NRXN1: variants seen among roughly 807,000 people sequenced by gnomAD.
NRXN1 encodes the protein neurexin-1.
A neutral mutation model predicts 150.9 loss-of-function variants in NRXN1; 39 were observed. The ratio of observed to expected loss-of-function variants is 0.26; its 90% CI spans 0.20 to 0.34. The LOEUF is 0.34. NRXN1 is among the 10% of genes least tolerant of loss of function. NRXN1 has a pLI of 1.00. For synonymous variants in NRXN1, 924 were observed against 757.0 expected, an observed-to-expected ratio of 1.22 and a Z score of -3.62; for missense variants, 1,815 against 1,949.9, an observed-to-expected ratio of 0.93 and a Z score of 1.30.
chr2:50,609,778 T>C (rs1442773799), intron 8 of NRXN1, among the ~76,000 whole-genome samples: 4 of 152,144 alleles, frequency 2.6e-5, no homozygotes, highest in Non-Finnish European at 4.4e-5. Flanking sequence ...GCAATTCACT[T>C]ACTATGACCT....
At chr2:50,345,008 C>G (rs960814083) in intron 17 of NRXN1, among the ~76,000 whole-genome samples, 1 of 152,180 alleles carries the variant, frequency 6.6e-6, no homozygotes, top group Non-Finnish European at 1.5e-5. Flanking sequence ...GAACTGCACC[C>G]AGGTAAAGGG....
At chr2:49,963,098 A>G (rs1001982833) in intron 21 of NRXN1, among the ~76,000 whole-genome samples, 14 of 152,234 alleles carry the variant, frequency 9.2e-5, no homozygotes, top group Non-Finnish European at 2.1e-4. Context: ...ATTTCTGCCC[A>G]GTTAGCTACC....
chr2:50,628,538 T>C (rs1416182306), intron 5 of NRXN1, among the ~76,000 whole-genome samples: 1 of 151,710 alleles, frequency 6.6e-6, no homozygotes, highest in African/African-American at 2.4e-5. Flanking sequence ...TATAAGAATA[T>C]TATGTTTCAT....
intron 17 of NRXN1, among the ~76,000 whole-genome samples, chr2:50,254,199 C>T (rs2067456116): frequency 6.6e-6 from 1 of 151,852 alleles, no homozygotes; most frequent in Admixed American, 6.6e-5. Flanking sequence ...AGTTTGTTTG[C>T]ATAGAGGTGT....
rs534813995 is a variant in NRXN1, at chr2:50,056,764, T to C, written c.3719-1720A>G. On this transcript the variant is annotated intron_variant, in intron 19 of 22. Transcript: ENST00000401669. ...TGTTTTTGGCTTATAAGTGATTTTA[T>C]ATAATAAGCATGTTTGACATGTGTA... 3.9e-5 allele frequency among the ~76,000 whole-genome samples: 6 copies of C among 152,180 alleles called. No homozygotes were observed. The East Asian group carries it at 1.2e-3, about 29-fold the overall frequency.
intron 2 of NRXN1, among the ~76,000 whole-genome samples, chr2:50,927,032 T>A (rs563858344): frequency 3.2e-4 from 48 of 152,074 alleles, no homozygotes; most frequent in African/African-American, 1.1e-3. Flanking sequence ...TCAGTAGTTA[T>A]CAAAAATGTT....
intron 5 of NRXN1, among the ~76,000 whole-genome samples, chr2:50,700,804 ATTT>A (rs34882608): frequency 1.4e-5 from 2 of 144,280 alleles, no homozygotes; most frequent in Non-Finnish European, 3.1e-5. Flanking sequence ...TGGGATCAAG[ATTT>A]TTTTTTTTTT....
At chr2:50,179,409 C>T (rs1426066169) in intron 18 of NRXN1, among the ~76,000 whole-genome samples, 1 of 152,010 alleles carries the variant, frequency 6.6e-6, no homozygotes, top group African/African-American at 2.4e-5. Flanking sequence ...TGTCCTTATG[C>T]CCTGAGGTGA....
At chr2:50,251,356 C>T (rs1003073834) in intron 17 of NRXN1, among the ~76,000 whole-genome samples, 3 of 128,762 alleles carry the variant, frequency 2.3e-5, no homozygotes, top group East Asian at 2.1e-4. Context: ...GCAGAAGACA[C>T]GATCTCAGTC....
chr2:50,196,320 G>C (rs2061761974), intron 18 of NRXN1, among the ~76,000 whole-genome samples: 1 of 152,032 alleles, frequency 6.6e-6, no homozygotes, highest in African/African-American at 2.4e-5. Flanking sequence ...AGATGCCCTT[G>C]TTCTATCATA....
chr2:50,029,817 G>A (rs916339669), intron 21 of NRXN1, among the ~76,000 whole-genome samples: 33 of 152,108 alleles, frequency 2.2e-4, no homozygotes, highest in African/African-American at 7.7e-4. Context: ...TTTGACTAGA[G>A]GGACTTTCTT....
chr2:50,200,416 T>C (rs72887745), intron 18 of NRXN1, among the ~76,000 whole-genome samples: 2,973 of 152,266 alleles, frequency 0.02, 79 homozygotes, highest in African/African-American at 0.068. Context: ...TTATCAGAGA[T>C]ACTAGTCTTG....
intron 5 of NRXN1, among the ~76,000 whole-genome samples, chr2:50,658,886 T>G (rs146832815): frequency 2.7e-4 from 41 of 152,114 alleles, no homozygotes; most frequent in African/African-American, 9.6e-4. Context: ...ATCTCCATAC[T>G]CTCCAGCCCA....
intron 5 of NRXN1, among the ~76,000 whole-genome samples, chr2:50,797,843 G>C (rs911284334): frequency 2.0e-5 from 3 of 152,264 alleles, no homozygotes; most frequent in East Asian, 3.9e-4. Flanking sequence ...TTCTCCTAGA[G>C]AAACTGTCAT....
chr2:50,140,257 A>C (rs1707073630), intron 18 of NRXN1, among the ~76,000 whole-genome samples: 1 of 152,176 alleles, frequency 6.6e-6, no homozygotes, highest in Non-Finnish European at 1.5e-5. Context: ...GGACCAATAC[A>C]ATAGAGAGTA....
chr2:50,050,047 G>A (rs1374593632), intron 21 of NRXN1, among the ~76,000 whole-genome samples: 1 of 151,654 alleles, frequency 6.6e-6, no homozygotes, highest in African/African-American at 2.4e-5. Context: ...CATTAAAAAG[G>A]AACAATTCGA....
chr2:50,902,819 A>G (rs1683141843), intron 5 of NRXN1, among the ~76,000 whole-genome samples: 1 of 152,164 alleles, frequency 6.6e-6, no homozygotes, highest in Non-Finnish European at 1.5e-5. Flanking sequence ...TCAGATAGTT[A>G]TTATAACAGA....
chr2:50,411,371 C>A (rs993607558), intron 17 of NRXN1, among the ~76,000 whole-genome samples: 1 of 152,024 alleles, frequency 6.6e-6, no homozygotes, highest in Non-Finnish European at 1.5e-5. Context: ...GATCTCGGCT[C>A]GCTACAACCT....
In NRXN1 at chr2:50,848,347, G is replaced by T. The variant is rs115225923; in HGVS notation, c.832+73522C>A. ...AAGTTGCTGGCACTCTCTGCCATTT[G>T]TCCTCCTAATGTCTATGCTCCCTAG... On this transcript the variant is annotated intron_variant, in intron 5 of 22. Coordinates refer to ENST00000401669, the MANE Select transcript of NRXN1 (RefSeq NM_001330078.2). 4.4e-3 allele frequency among the ~76,000 whole-genome samples: 672 copies of T among 152,210 alleles called. 5 individuals carry two copies. The highest frequency in any genetic ancestry group is 0.016 in the African/African-American group (648 of 41,528).
Sources: allele counts gnomAD v4.1 joint callset (sites outside exome capture counted in the v4.1 genomes callset), GRCh38; gene constraint gnomAD v4.1.1; transcripts MANE v1.5; gene names NCBI Gene and HGNC (gene_info 2026-07-23, HGNC 2026-07-21).